Variants in ADAM22 observed in about 807,000 individuals in gnomAD.
ADAM22 encodes the protein disintegrin and metalloproteinase domain-containing protein 22.
Under a neutral mutation model 144.6 loss-of-function variants are expected in ADAM22, and 65 were observed. That is an observed-to-expected ratio of 0.45 (90% CI 0.37 to 0.55). The LOEUF is 0.55. ADAM22 is among the 20% of genes least tolerant of loss of function. ADAM22 has a pLI of 0.00. For missense variants in ADAM22, 974 were observed against 1,184.9 expected, an observed-to-expected ratio of 0.82 and a Z score of 2.61; for synonymous variants, 391 against 412.6, an observed-to-expected ratio of 0.95 and a Z score of 0.63.
At chr7:88,176,827 C>T (rs1044339512) in intron 26 of ADAM22, among the ~76,000 whole-genome samples, 3 of 152,186 alleles carry the variant, frequency 2.0e-5, no homozygotes, top group Middle Eastern at 3.4e-3. Flanking sequence ...TGCAATGGTG[C>T]GATCTCGGCT....
At chr7:88,140,201 G>T (rs528841437) in intron 14 of ADAM22, among the ~76,000 whole-genome samples, 1 of 152,224 alleles carries the variant, frequency 6.6e-6, no homozygotes, top group East Asian at 1.9e-4. Context: ...TCCCTCATTA[G>T]ACCCCACTCT....
At position 88,075,683 on chromosome 7, in the gene ADAM22, G is replaced by C. The variant is rs1814218561; in HGVS notation, c.381G>C (p.Val127=). 1.2e-6 allele frequency: 2 copies of C among 1,613,350 alleles called. No individual in the cohort carries two copies. Among genetic ancestry groups the C allele is most frequent in the Non-Finnish European group, 1.7e-6 (2 of 1,179,738 alleles). Residue 127 remains valine, a synonymous_variant, in exon 4 of 32, where the codon GTG becomes GTC. Coordinates refer to ENST00000413139, the MANE Select transcript of ADAM22 (RefSeq NM_001324418.2). ...ACATTGAACATGGAGGCAAGACTGT[G>C]GAAGTTAAAGTAAGTGAAATTTTCC... The part of the protein sequence containing the change: ...ERHIEHGGKT[V]EVKGGEHCYY...
intron 3 of ADAM22, among the ~76,000 whole-genome samples, chr7:88,023,881 C>T (rs938195888): frequency 1.1e-4 from 17 of 151,478 alleles, no homozygotes; most frequent in Non-Finnish European, 4.4e-5. Context: ...ATTCTGCTCT[C>T]TATCTCTATG....
chr7:88,115,575 A>G (rs372834975), intron 6 of ADAM22, among the ~76,000 whole-genome samples: 15 of 152,186 alleles, frequency 9.9e-5, no homozygotes, highest in African/African-American at 3.1e-4. Context: ...GGTACCAGCT[A>G]TACTGAATAA....
At chr7:88,163,376 G>A (rs1013423363) in intron 23 of ADAM22, among the ~76,000 whole-genome samples, 196 bp downstream of exon 23, 3 of 152,070 alleles carry the variant, frequency 2.0e-5, no homozygotes, top group Non-Finnish European at 4.4e-5. Flanking sequence ...ATAAGGAAAT[G>A]AATAATCTTT....
chr7:88,101,334 T>A (rs1822866621), intron 4 of ADAM22, among the ~76,000 whole-genome samples: 1 of 151,954 alleles, frequency 6.6e-6, no homozygotes, highest in Non-Finnish European at 1.5e-5. Context: ...CCAGTGCCCA[T>A]GGAGGGGGAG....
chr7:87,962,380 A>G (rs1256971682), intron 2 of ADAM22, among the ~76,000 whole-genome samples: 1 of 152,202 alleles, frequency 6.6e-6, no homozygotes, highest in Non-Finnish European at 1.5e-5. Flanking sequence ...GCAAGGTGCC[A>G]AACATTGGGA....
intron 8 of ADAM22, among the ~76,000 whole-genome samples, chr7:88,127,364 T>C (rs1249294700): frequency 6.6e-6 from 1 of 151,976 alleles, no homozygotes; most frequent in African/African-American, 2.4e-5. Context: ...GTGGCTAATA[T>C]GGCAACTCTT....
At chr7:88,015,014 C>T (rs999957418) in intron 3 of ADAM22, among the ~76,000 whole-genome samples, 1 of 152,150 alleles carries the variant, frequency 6.6e-6, no homozygotes, top group African/African-American at 2.4e-5. Context: ...CTAGTCTATG[C>T]AGTGATCATT....
intron 7 of ADAM22, among the ~76,000 whole-genome samples, chr7:88,122,428 C>G (rs1300173385): frequency 6.6e-6 from 1 of 152,108 alleles, no homozygotes; most frequent in Non-Finnish European, 1.5e-5. Context: ...GGCGTGAGTA[C>G]CAGGAGGTGG....
intron 24 of ADAM22, 41 bp from the exon 25 acceptor site, chr7:88,168,096 T>A: frequency 6.4e-7 from 1 of 1,565,658 alleles, no homozygotes; most frequent in Non-Finnish European, 8.8e-7. Flanking sequence ...TGAAAGGATT[T>A]TATACCACTG....
intron 2 of ADAM22, among the ~76,000 whole-genome samples, chr7:87,963,018 A>G (rs1195965122): frequency 6.6e-6 from 1 of 152,216 alleles, no homozygotes; most frequent in Non-Finnish European, 1.5e-5. Flanking sequence ...GCAATTGAGC[A>G]TAGCATTATA....
intron 30 of ADAM22, 133 bp from the exon 31 acceptor site, chr7:88,192,983 C>A: frequency 2.0e-6 from 2 of 1,017,070 alleles, no homozygotes; most frequent in Non-Finnish European, 2.8e-6. Context: ...GAATATCTTC[C>A]CAGTAGTTAA....
intron 5 of ADAM22, among the ~76,000 whole-genome samples, chr7:88,111,885 G>A (rs543417726): frequency 3.5e-4 from 54 of 152,192 alleles, no homozygotes; most frequent in African/African-American, 1.3e-3. Flanking sequence ...AGAATCTGTT[G>A]TCTTCATATT....
intron 1 of ADAM22, 133 bp downstream of exon 1, chr7:87,934,683 T>C (rs1259049612): frequency 1.2e-6 from 1 of 867,006 alleles, no homozygotes; most frequent in Non-Finnish European, 1.7e-6. Context: ...TTTTTTTTAA[T>C]TCGGGAGGGT....
At chr7:88,172,232 T>C (rs531328100) in intron 26 of ADAM22, among the ~76,000 whole-genome samples, 3 of 151,950 alleles carry the variant, frequency 2.0e-5, no homozygotes, top group Admixed American at 2.0e-4. Context: ...AGATACAAAA[T>C]GTTCATGTTG....
intron 4 of ADAM22, among the ~76,000 whole-genome samples, chr7:88,081,198 A>G (rs1305479962): frequency 6.6e-6 from 1 of 152,184 alleles, no homozygotes; most frequent in Non-Finnish European, 1.5e-5. Context: ...ACAAAAATCA[A>G]TAAACGTAAT....
intron 29 of ADAM22, 34 bp from the exon 30 acceptor site, chr7:88,186,581 C>G: frequency 7.4e-7 from 1 of 1,359,352 alleles, no homozygotes; most frequent in Non-Finnish European, 1.1e-6. Context: ...CTATCTTGTT[C>G]TGCTTTCTTT....
At chr7:88,184,299 C>A in intron 29 of ADAM22, 2 of 409,462 alleles carry the variant, frequency 4.9e-6, no homozygotes, top group Non-Finnish European at 4.9e-6. Flanking sequence ...CAGGAGGGAG[C>A]CCCAAGCACC....
Sources: allele counts gnomAD v4.1 joint callset (sites outside exome capture counted in the v4.1 genomes callset), GRCh38; gene constraint gnomAD v4.1.1; transcripts MANE v1.5; gene names NCBI Gene and HGNC (gene_info 2026-07-23, HGNC 2026-07-21).